SLC30A9: variants seen among roughly 807,000 people sequenced by gnomAD.
SLC30A9 encodes the protein proton-coupled zinc antiporter SLC30A9, mitochondrial.
Under a neutral mutation model 87.5 loss-of-function variants are expected in SLC30A9, and 58 were observed. That is an observed-to-expected ratio of 0.66 (90% CI 0.54 to 0.82). The LOEUF (loss-of-function observed/expected upper bound fraction) is 0.82, where lower values mean the gene tolerates loss of function less well. Among genes scored for constraint, SLC30A9 ranks in the 40% least tolerant of loss-of-function variants. SLC30A9 has a pLI of 0.00. For missense variants in SLC30A9, 557 were observed against 679.1 expected (o/e 0.82, Z 2.00); for synonymous variants, 234 against 233.0 (o/e 1.00, Z -0.04).
chr4:42,037,550 A>G (rs1716736511), intron 7 of SLC30A9, among the ~76,000 whole-genome samples: 2 of 151,982 alleles, frequency 1.3e-5, no homozygotes, highest in Admixed American at 1.3e-4. Context: ...AAATGCACCA[A>G]TAATGCTTTG....
chr4:42,072,576 A>T (rs1158762051), intron 15 of SLC30A9, among the ~76,000 whole-genome samples: 1 of 151,708 alleles, frequency 6.6e-6, no homozygotes, highest in African/African-American at 2.4e-5. Flanking sequence ...TCCATTATTG[A>T]TTTATTATTT....
rs537208812 is a variant in SLC30A9, at chr4:42,026,529, C to T, written c.610+3145C>T. On this transcript the variant is annotated intron_variant, in intron 6 of 17. Transcript: ENST00000264451. ...GATTTTATTAAGCATCGTGAGGTTT[C>T]TCAGAAGAATATCATTGCTGCTATT... 4.8e-3 allele frequency among the ~76,000 whole-genome samples: 729 copies of T among 152,294 alleles called. 2 individuals are homozygous for T. Among genetic ancestry groups the T allele is most frequent in the Non-Finnish European group, 6.7e-3 (458 of 68,012 alleles).
In SLC30A9 at chr4:42,049,422, C is replaced by A; in HGVS notation, c.783C>A (p.Thr261=). ...CFFKFLAWIY[T]GSASMFSEAI... ...TTAAATTTCTTGCCTGGATTTATACCGGTTCAGCAAGTATGTTCTCAGAAG... is the reference window on the plus strand; with the variant it reads ...TTAAATTTCTTGCCTGGATTTATACAGGTTCAGCAAGTATGTTCTCAGAAG... Residue 261 remains threonine (T), a synonymous_variant, in exon 9 of 18, where the codon ACC becomes ACA. Coordinates refer to ENST00000264451, the MANE Select transcript of SLC30A9 (RefSeq NM_006345.4). 2 of 1,611,038 alleles carry A rather than the reference C, an allele frequency of 1.2e-6. No individual in the cohort carries two copies. The highest frequency in any genetic ancestry group is 1.1e-5 in the South Asian group (1 of 90,686).
chr4:42,063,150 G>T, intron 11 of SLC30A9, 29 bp downstream of exon 11: 1 of 1,606,860 alleles, frequency 6.2e-7, no homozygotes, highest in African/African-American at 1.3e-5. Flanking sequence ...CCTCAGTTTT[G>T]ATGTCTTATG....
chr4:42,063,069 A>G lies in SLC30A9; in HGVS notation c.980A>G (p.Tyr327Cys). ...IFMMGAGLSWYHGVMGLLHPQ... is the reference protein window; with the variant it reads ...IFMMGAGLSWCHGVMGLLHPQ... ...ATGATGGGTGCAGGACTATCTTGGT[A>G]CCATGGAGTCATGGGATTGCTTCAT... The change falls in exon 11 of 18, where the codon TAC (tyrosine) becomes TGC (cysteine). Residue 327 changes from tyrosine to cysteine, a missense_variant. By Grantham distance (194) the Tyr-to-Cys change is radical. Transcript: ENST00000264451. 1 of 1,613,492 alleles carries G rather than the reference A, an allele frequency of 6.2e-7. No individual in the cohort carries two copies. The highest frequency in any genetic ancestry group is 8.5e-7 in the Non-Finnish European group (1 of 1,179,488).
intron 6 of SLC30A9, among the ~76,000 whole-genome samples, chr4:42,025,333 C>G (rs1475851593): frequency 3.3e-5 from 5 of 152,158 alleles, no homozygotes; most frequent in African/African-American, 1.2e-4. Context: ...TAGTAATCCT[C>G]TCATTTGCCC....
rs1228504426 is a variant in SLC30A9, at chr4:42,022,030, G to A, written c.435-808G>A. Among the ~76,000 whole-genome samples the A allele has an allele frequency of 3.5e-4, 24 of 69,372 alleles. 6 individuals are homozygous for A. Among genetic ancestry groups the A allele is most frequent in the African/African-American group, 7.2e-4 (24 of 33,458 alleles). The allele number at this position is 69,372 out of a possible 152,430, so 45.5% of individuals were successfully genotyped here. On this transcript the variant is annotated intron_variant, in intron 4 of 17. Transcript: ENST00000264451. Reference sequence around the variant, plus strand: ...GGCTCACTGCAAGCTCCGCTTCCCGGGTTCACGCCATTCTCCTGCCTCAGC... The same window carrying A: ...GGCTCACTGCAAGCTCCGCTTCCCGAGTTCACGCCATTCTCCTGCCTCAGC...
intron 1 of SLC30A9, 31 bp from the exon 2 acceptor site, chr4:42,001,585 G>T: frequency 6.9e-7 from 1 of 1,455,416 alleles, no homozygotes; most frequent in South Asian, 1.2e-5. Context: ...GACTTGGTTT[G>T]AAATTAAAGT....
intron 15 of SLC30A9, among the ~76,000 whole-genome samples, chr4:42,074,230 T>C: frequency 6.6e-6 from 1 of 152,214 alleles, no homozygotes; most frequent in African/African-American, 2.4e-5. Flanking sequence ...AAAATATAGC[T>C]TCCTTATATG....
intron 1 of SLC30A9, among the ~76,000 whole-genome samples, chr4:42,000,234 G>GA (rs11404931): frequency 0.72 from 108,583 of 151,664 alleles, 41,384 homozygotes; most frequent in East Asian, 0.96. Context: ...ATCAGTGTAT[G>GA]AAAAAAAAGT....
intron 2 of SLC30A9, among the ~76,000 whole-genome samples, chr4:42,014,461 G>A (rs1311767079): frequency 6.6e-6 from 1 of 151,962 alleles, no homozygotes; most frequent in African/African-American, 2.4e-5. Flanking sequence ...GGAGGCTGAG[G>A]CAGGAGAATT....
chr4:42,013,769 A>G (rs1242437961), intron 2 of SLC30A9, among the ~76,000 whole-genome samples: 1 of 152,236 alleles, frequency 6.6e-6, no homozygotes, highest in African/African-American at 2.4e-5. Flanking sequence ...ACTGAAATCT[A>G]AGACCTCAAA....
At chr4:42,053,908 A>G (rs911036682) in intron 9 of SLC30A9, among the ~76,000 whole-genome samples, 2 of 152,140 alleles carry the variant, frequency 1.3e-5, no homozygotes, top group African/African-American at 4.8e-5. Flanking sequence ...AAGGAACTTT[A>G]ATTTTTAATA....
chr4:42,067,243 C>A, intron 14 of SLC30A9, 51 bp downstream of exon 14: 1 of 1,133,516 alleles, frequency 8.8e-7, no homozygotes, highest in Non-Finnish European at 1.3e-6. Flanking sequence ...TTAAATAATT[C>A]TCTAATATGT....
At chr4:42,017,996 GTCTGATAC>G in intron 2 of SLC30A9, 107 bp from the exon 3 acceptor site, 2 of 612,956 alleles carry the variant, frequency 3.3e-6, no homozygotes, top group Non-Finnish European at 5.9e-6. Flanking sequence ...ATCCAACATG[GTCTGATAC>G]ATTGTCGTTT....
chr4:42,068,862 A>C (rs967399901), intron 14 of SLC30A9, among the ~76,000 whole-genome samples: 1 of 152,258 alleles, frequency 6.6e-6, no homozygotes, highest in Non-Finnish European at 1.5e-5. Flanking sequence ...ACCATTTAGC[A>C]TGAAAAGACT....
chr4:42,079,514 G>A (rs1394884590), intron 17 of SLC30A9, among the ~76,000 whole-genome samples: 5 of 151,768 alleles, frequency 3.3e-5, no homozygotes, highest in South Asian at 2.1e-4. Context: ...GGCTGGTCTC[G>A]AACTCCTGAC....
At chr4:42,038,035 G>A (rs1716765751) in intron 7 of SLC30A9, among the ~76,000 whole-genome samples, 1 of 152,120 alleles carries the variant, frequency 6.6e-6, no homozygotes, top group African/African-American at 2.4e-5. Context: ...GCCTCCCAAA[G>A]TGCTAGGATT....
intron 2 of SLC30A9, among the ~76,000 whole-genome samples, chr4:42,005,112 C>A (rs114811249): frequency 0.014 from 2,097 of 152,222 alleles, 21 homozygotes; most frequent in Non-Finnish European, 0.02. Context: ...TTTTGTTTCT[C>A]ACTATATGAG....
Sources: gnomAD v4.1 joint callset for allele counts (sites outside exome capture counted in the v4.1 genomes callset) on GRCh38, gnomAD v4.1.1 for gene constraint, MANE v1.5 for transcripts, NCBI Gene and HGNC (gene_info 2026-07-23, HGNC 2026-07-21) for gene names.